The following SLC24A2 variants were observed in gnomAD, a reference collection of about 807,000 sequenced individuals.
SLC24A2 encodes the protein sodium/potassium/calcium exchanger 2.
Under a neutral mutation model 62.0 loss-of-function variants are expected in SLC24A2, and 36 were observed. The ratio of observed to expected loss-of-function variants is 0.58; its 90% CI spans 0.44 to 0.77. The LOEUF (loss-of-function observed/expected upper bound fraction) is 0.77. Among genes scored for constraint, SLC24A2 ranks in the 30% least tolerant of loss-of-function variants. The probability of loss-of-function intolerance (pLI) is 0.00; values close to 1 mark genes in which losing one functional copy is unlikely to be tolerated. For missense variants in SLC24A2, 846 were observed against 817.9 expected (o/e 1.03, Z -0.42); for synonymous variants, 358 against 294.0 (o/e 1.22, Z -2.23).
At chr9:19,719,601 A>T (rs1820964618) in intron 2 of SLC24A2, among the ~76,000 whole-genome samples, 1 of 152,210 alleles carries the variant, frequency 6.6e-6, no homozygotes, top group African/African-American at 2.4e-5. Flanking sequence ...CAGAGCAGAG[A>T]AAGAAGGAAC....
the SLC24A2 span, among the ~76,000 whole-genome samples, chr9:19,899,926 G>A: frequency 1.3e-5 from 2 of 152,132 alleles, no homozygotes; most frequent in African/African-American, 2.4e-5. Flanking sequence ...TGGGGATTAT[G>A]GGAACTATTA....
chr9:19,787,121 T>C (rs1436474633), intron 1 of SLC24A2, 102 bp from the exon 2 acceptor site: 3 of 612,538 alleles, frequency 4.9e-6, no homozygotes, highest in Non-Finnish European at 6.1e-6. Flanking sequence ...AGCTGTGCGA[T>C]CTTGGGTAAG....
the SLC24A2 span, among the ~76,000 whole-genome samples, chr9:19,934,867 G>A: frequency 6.6e-6 from 1 of 152,072 alleles, no homozygotes; most frequent in Non-Finnish European, 1.5e-5. This position sits in a 1 kb window ranked among gnomAD's most constrained non-coding sequence, Gnocchi z 4.1. Flanking sequence ...GGAGCGGTGA[G>A]TGGTGGAAGA....
At chr9:19,586,743 A>T (rs1419699345) in intron 5 of SLC24A2, among the ~76,000 whole-genome samples, 3 of 152,104 alleles carry the variant, frequency 2.0e-5, no homozygotes, top group Non-Finnish European at 4.4e-5. Context: ...AGTGCTTGAG[A>T]GCTGATGTTC....
chr9:19,873,254 CTTCTTT>C, the SLC24A2 span, among the ~76,000 whole-genome samples: 1 of 150,864 alleles, frequency 6.6e-6, no homozygotes, highest in South Asian at 2.1e-4. Flanking sequence ...CTTTCTCTTT[CTTCTTT>C]TTCTTTCTTT....
At chr9:19,942,758 TACTC>T in the SLC24A2 span, among the ~76,000 whole-genome samples, 2 of 152,178 alleles carry the variant, frequency 1.3e-5, no homozygotes, top group African/African-American at 2.4e-5. Context: ...AGTCCCTACT[TACTC>T]TAGAAGAATT....
chr9:19,526,971 A>G (rs1443790009), intron 9 of SLC24A2, among the ~76,000 whole-genome samples: 1 of 152,162 alleles, frequency 6.6e-6, no homozygotes, highest in African/African-American at 2.4e-5. Flanking sequence ...TGACAGCTTT[A>G]CAAACTCTTA....
chr9:19,850,974 T>TGTAC, the SLC24A2 span, among the ~76,000 whole-genome samples: 6 of 46,902 alleles, frequency 1.3e-4, 1 homozygote, highest in African/African-American at 5.8e-4. Flanking sequence ...TATGTATATA[T>TGTAC]ATATATATAT....
the SLC24A2 span, among the ~76,000 whole-genome samples, chr9:20,159,893 A>G: frequency 1.3e-4 from 19 of 151,736 alleles, no homozygotes; most frequent in Admixed American, 9.2e-4. Flanking sequence ...AGCACAGTAG[A>G]TATAGCATAA....
chr9:20,292,057 C>A, the SLC24A2 span, among the ~76,000 whole-genome samples: 1 of 152,196 alleles, frequency 6.6e-6, no homozygotes, highest in African/African-American at 2.4e-5. Context: ...CCAGCCTGCA[C>A]TGGACTCCTG....
chr9:19,541,367 T>G (rs1319510832), intron 8 of SLC24A2, among the ~76,000 whole-genome samples: 2 of 151,464 alleles, frequency 1.3e-5, no homozygotes, highest in Non-Finnish European at 3.0e-5. Context: ...ATGATGGTGA[T>G]GTACAGATGG....
chr9:19,645,236 T>C (rs1184831502), intron 2 of SLC24A2, among the ~76,000 whole-genome samples: 1 of 152,226 alleles, frequency 6.6e-6, no homozygotes, highest in Non-Finnish European at 1.5e-5. Context: ...ATAATCTATA[T>C]TCGCATTCAT....
the SLC24A2 span, among the ~76,000 whole-genome samples, chr9:20,096,085 A>ATCCG: frequency 8.2e-3 from 1,157 of 140,468 alleles, 5 homozygotes; most frequent in East Asian, 0.021. Flanking sequence ...CCATCCATCC[A>ATCCG]TCCGTCCGTC....
the SLC24A2 span, among the ~76,000 whole-genome samples, chr9:20,079,740 G>A: frequency 3.2e-4 from 49 of 152,286 alleles, no homozygotes; most frequent in African/African-American, 1.1e-3. Context: ...TTGTCTGTTA[G>A]TGGTGTATAA....
At chr9:20,019,103 TAGAA>T in the SLC24A2 span, among the ~76,000 whole-genome samples, 2,442 of 84,662 alleles carry the variant, frequency 0.029, 58 homozygotes, top group East Asian at 0.095. Context: ...GAAAGAAAGA[TAGAA>T]AGAAAGAAAG....
chr9:19,838,799 C>T, the SLC24A2 span, among the ~76,000 whole-genome samples: 2 of 149,074 alleles, frequency 1.3e-5, no homozygotes, highest in African/African-American at 4.9e-5. Flanking sequence ...AGAAGAAAAC[C>T]TAGGCATTAC....
the SLC24A2 span, among the ~76,000 whole-genome samples, chr9:20,017,619 A>C: frequency 6.6e-6 from 1 of 152,188 alleles, no homozygotes; most frequent in Non-Finnish European, 1.5e-5. Flanking sequence ...TGCGAGCCCC[A>C]AAACCTCAAA....
chr9:19,533,186 T>C (rs1833787260), intron 8 of SLC24A2, among the ~76,000 whole-genome samples: 1 of 152,186 alleles, frequency 6.6e-6, no homozygotes, highest in African/African-American at 2.4e-5. Flanking sequence ...ATGTTTTCCT[T>C]GTAATTACTG....
upstream of SLC24A2, among the ~76,000 whole-genome samples, chr9:19,789,818 G>T (rs1823286456): frequency 6.6e-6 from 1 of 152,152 alleles, no homozygotes; most frequent in Admixed American, 6.5e-5. Flanking sequence ...GCTGCCAAGA[G>T]GTACCCAACT....
Sources: allele counts gnomAD v4.1 joint callset (sites outside exome capture counted in the v4.1 genomes callset), GRCh38; gene constraint gnomAD v4.1.1; non-coding constraint Gnocchi (gnomAD v3.1); transcripts MANE v1.5; gene names NCBI Gene and HGNC (gene_info 2026-07-23, HGNC 2026-07-21).